The following ADGRL2 variants were observed in gnomAD, a reference collection of about 807,000 sequenced individuals.
ADGRL2 encodes the protein adhesion G protein-coupled receptor L2, also known as calcium-independent alpha-latrotoxin receptor 2.
In ADGRL2, 44 loss-of-function variants were observed where a neutral mutation model predicts 157.4. The observed-to-expected ratio is 0.28, with a 90% CI of 0.22 to 0.36. The LOEUF is 0.36. Ranked by LOEUF, ADGRL2 falls within the 10% of genes least tolerant of loss-of-function variation. The probability of loss-of-function intolerance (pLI) is 1.00; values close to 1 mark genes in which losing one functional copy is unlikely to be tolerated. For synonymous variants in ADGRL2, 585 were observed against 624.7 expected, an observed-to-expected ratio of 0.94 and a Z score of 0.95; for missense variants, 1,510 against 1,768.9, an observed-to-expected ratio of 0.85 and a Z score of 2.63.
intron 1 of ADGRL2, among the ~76,000 whole-genome samples, chr1:81,369,311 A>C (rs2076122034): frequency 6.6e-6 from 1 of 152,210 alleles, no homozygotes; most frequent in South Asian, 2.1e-4. Flanking sequence ...TTCAAAACTT[A>C]TAGACTTGAA....
At chr1:81,564,324 A>T (rs1022037866) in intron 2 of ADGRL2, among the ~76,000 whole-genome samples, 9 of 152,322 alleles carry the variant, frequency 5.9e-5, no homozygotes, top group African/African-American at 2.2e-4. Flanking sequence ...GGGTTCTCTA[A>T]GTCAGGCCTC....
chr1:81,993,085 ATATTTTTTTT>A lies in ADGRL2; in HGVS notation c.*1942_*1951del, dbSNP rs1332131709. Among the ~76,000 whole-genome samples the A allele has an allele frequency of 3.1e-5, 1 of 32,108 alleles. No homozygotes were observed. Among genetic ancestry groups the A allele is most frequent in the Non-Finnish European group, 4.9e-5 (1 of 20,304 alleles). The allele number at this position is 32,108 out of a possible 152,430, so 21.1% of individuals were successfully genotyped here. On this transcript the variant is annotated 3_prime_UTR_variant, in exon 24 of 24. Coordinates refer to ENST00000686636, the MANE Select transcript of ADGRL2 (RefSeq NM_001366006.2). ...TATATATATATATATATATATATAT[ATATTTTTTTT>A]TTTTTTTTTTTTTTTTTTTTTTTTG...
intron 2 of ADGRL2, chr1:81,503,174 A>T (rs994117985): frequency 5.5e-5 from 88 of 1,614,056 alleles, no homozygotes; most frequent in Non-Finnish European, 7.2e-5. Context: ...ATGGCACGGC[A>T]GCTCCCCATG....
At chr1:81,776,452 G>T (rs976415598) in intron 2 of ADGRL2, among the ~76,000 whole-genome samples, 1 of 152,174 alleles carries the variant, frequency 6.6e-6, no homozygotes, top group African/African-American at 2.4e-5. Flanking sequence ...CTCCCAAAGT[G>T]CTGGGATTAT....
intron 2 of ADGRL2, among the ~76,000 whole-genome samples, chr1:81,903,959 AT>A (rs1052318511): frequency 2.6e-5 from 4 of 151,554 alleles, no homozygotes; most frequent in African/African-American, 7.3e-5. Context: ...CAATTTAAAT[AT>A]TTTTTTGGTG....
intron 3 of ADGRL2, among the ~76,000 whole-genome samples, chr1:81,635,149 G>A (rs1009508268): frequency 6.6e-6 from 1 of 152,114 alleles, no homozygotes; most frequent in African/African-American, 2.4e-5. Context: ...CAGAGCCCCA[G>A]GGGAAATGAG....
chr1:81,899,746 GAAAAT>G (rs1490704012), intron 2 of ADGRL2, among the ~76,000 whole-genome samples: 1 of 152,122 alleles, frequency 6.6e-6, no homozygotes, highest in African/African-American at 2.4e-5. Flanking sequence ...GAAATAGACT[GAAAAT>G]ACGGCTTGGA....
intron 2 of ADGRL2, among the ~76,000 whole-genome samples, chr1:81,470,689 AAC>A (rs981542515): frequency 3.3e-5 from 5 of 152,200 alleles, no homozygotes; most frequent in African/African-American, 1.2e-4. Context: ...TGAACTATTG[AAC>A]ACACATACAT....
At chr1:81,461,936 G>T (rs866524055) in intron 2 of ADGRL2, among the ~76,000 whole-genome samples, 2,076 of 146,956 alleles carry the variant, frequency 0.014, 161 homozygotes, top group Admixed American at 0.073. Flanking sequence ...AGAAAGGGGG[G>T]GGGGGGTGGT....
chr1:81,375,006 G>A lies in ADGRL2; in HGVS notation c.-302+68497G>A, dbSNP rs72939009. 9.0e-3 allele frequency among the ~76,000 whole-genome samples: 1,366 copies of A among 152,290 alleles called. 24 individuals carry two copies. The highest frequency in any genetic ancestry group is 0.031 in the African/African-American group (1,302 of 41,566). On this transcript the variant is annotated intron_variant, in intron 1 of 24. Coordinates refer to the ADGRL2 transcript ENST00000370721. ...GGGTGAGATACCATGCCCAGCACCA[G>A]TCTTGCTGGTCTGCTTTAGGGCTTC... is the stretch of plus-strand genomic sequence containing the variant.
intron 3 of ADGRL2, among the ~76,000 whole-genome samples, chr1:81,589,403 G>C (rs1286191427): frequency 6.6e-6 from 1 of 152,102 alleles, no homozygotes; most frequent in African/African-American, 2.4e-5. Context: ...TAATCAATAT[G>C]AATGCAAGCT....
chr1:81,989,061 C>CT (rs1476532062), intron 23 of ADGRL2, among the ~76,000 whole-genome samples: 11 of 150,104 alleles, frequency 7.3e-5, no homozygotes, highest in East Asian at 2.0e-4. Flanking sequence ...TTTCTCTTGA[C>CT]TTTTTTTTTC....
chr1:81,628,770 G>A (rs2081956966), intron 3 of ADGRL2, among the ~76,000 whole-genome samples: 1 of 152,148 alleles, frequency 6.6e-6, no homozygotes, highest in African/African-American at 2.4e-5. Context: ...CAAATGGCAT[G>A]CATATGTTAT....
intron 3 of ADGRL2, among the ~76,000 whole-genome samples, chr1:81,621,054 T>A (rs1377584235): frequency 6.6e-6 from 1 of 152,150 alleles, no homozygotes; most frequent in Non-Finnish European, 1.5e-5. Flanking sequence ...TTCCCCCATA[T>A]CATGGTGCTT....
chr1:81,950,962 G>A lies in ADGRL2; in HGVS notation c.1505-56G>A, dbSNP rs770091830. 3.8e-5 allele frequency: 41 copies of A among 1,081,424 alleles called. No homozygotes were observed. The East Asian group carries it at 7.9e-4, about 21-fold the overall frequency. The allele number at this position is 1,081,424 out of a possible 1,614,324, so 67.0% of individuals were successfully genotyped here. On this transcript the variant is annotated intron_variant, in intron 7 of 23. Coordinates refer to ENST00000686636, the MANE Select transcript of ADGRL2 (RefSeq NM_001366006.2). Reference sequence around the variant, plus strand: ...AGCAGGATCATCATAGCTGATTCCCGAATGCATGCAGAAAAATGGTTTCAA... The same window carrying A: ...AGCAGGATCATCATAGCTGATTCCCAAATGCATGCAGAAAAATGGTTTCAA...
chr1:81,814,291 C>G (rs1170963973), intron 1 of ADGRL2, among the ~76,000 whole-genome samples: 1 of 151,428 alleles, frequency 6.6e-6, no homozygotes, highest in Non-Finnish European at 1.5e-5. Flanking sequence ...ATTGTTCTTG[C>G]ATCTGTGTGA....
intron 2 of ADGRL2, among the ~76,000 whole-genome samples, chr1:81,574,031 T>G (rs2080748912): frequency 1.3e-5 from 2 of 152,196 alleles, no homozygotes. Flanking sequence ...TAGAAAATGT[T>G]GTAAACATGC....
intron 1 of ADGRL2, among the ~76,000 whole-genome samples, chr1:81,819,064 T>C (rs2090717259): frequency 6.6e-6 from 1 of 152,160 alleles, no homozygotes; most frequent in Non-Finnish European, 1.5e-5. Context: ...CCACAAAATG[T>C]TGTTGATATT....
chr1:81,632,478 G>A (rs1161203690), intron 3 of ADGRL2, among the ~76,000 whole-genome samples: 2 of 152,126 alleles, frequency 1.3e-5, no homozygotes, highest in Non-Finnish European at 2.9e-5. Context: ...AAAGTCATAG[G>A]CCCGGCACGG....
Sources: gnomAD v4.1 joint callset for allele counts (sites outside exome capture counted in the v4.1 genomes callset) on GRCh38, gnomAD v4.1.1 for gene constraint, MANE v1.5 for transcripts, NCBI Gene and HGNC (gene_info 2026-07-23, HGNC 2026-07-21) for gene names.